Variants in CTNNBIP1 observed in about 807,000 individuals in gnomAD.
The protein encoded by CTNNBIP1 is catenin beta interacting protein 1.
Under a neutral mutation model 11.8 loss-of-function variants are expected in CTNNBIP1, and 7 were observed. The observed-to-expected ratio is 0.60, with a 90% CI of 0.34 to 1.12. The LOEUF is 1.12. Ranked by LOEUF, CTNNBIP1 falls within the 50% of genes most tolerant of loss-of-function variation. CTNNBIP1 has a pLI of 0.03. For missense variants in CTNNBIP1, 101 were observed against 113.4 expected, an observed-to-expected ratio of 0.89 and a Z score of 0.50; for synonymous variants, 58 against 43.9, an observed-to-expected ratio of 1.32 and a Z score of -1.26.
chr1:9,890,381 G>C (rs562328769), intron 1 of CTNNBIP1, among the ~76,000 whole-genome samples: 2 of 152,264 alleles, frequency 1.3e-5, no homozygotes, highest in African/African-American at 4.8e-5. Context: ...ACAGTGGGGG[G>C]ACAAGGACAG....
At chr1:9,904,943 T>G (rs1397644719) in intron 1 of CTNNBIP1, among the ~76,000 whole-genome samples, 1 of 152,170 alleles carries the variant, frequency 6.6e-6, no homozygotes, top group Non-Finnish European at 1.5e-5. Context: ...ATACCAGGAC[T>G]GTCATCAACC....
At chr1:9,860,517 G>C (rs1638603662) in intron 5 of CTNNBIP1, among the ~76,000 whole-genome samples, 1 of 150,794 alleles carries the variant, frequency 6.6e-6, no homozygotes, top group Admixed American at 6.6e-5. Flanking sequence ...AGCTGAGGCA[G>C]GAGAGTCGCT....
chr1:9,880,136 G>GC (rs1453649004), intron 2 of CTNNBIP1, among the ~76,000 whole-genome samples: 2 of 133,444 alleles, frequency 1.5e-5, no homozygotes, highest in East Asian at 2.3e-4. Context: ...CTTGCCCCCA[G>GC]CCCCCCAACA....
intron 1 of CTNNBIP1, among the ~76,000 whole-genome samples, chr1:9,900,685 C>G (rs932359427): frequency 6.6e-6 from 1 of 152,220 alleles, no homozygotes; most frequent in Non-Finnish European, 1.5e-5. Flanking sequence ...TCCCTTACAT[C>G]CCACCACAAA....
intron 1 of CTNNBIP1, among the ~76,000 whole-genome samples, chr1:9,895,467 G>A (rs1399939835): frequency 1.3e-5 from 2 of 152,026 alleles, no homozygotes; most frequent in Non-Finnish European, 2.9e-5. Context: ...CAAAGTGCTG[G>A]GATTACAGGC....
intron 5 of CTNNBIP1, among the ~76,000 whole-genome samples, chr1:9,870,306 C>T (rs902263377): frequency 6.6e-6 from 1 of 152,256 alleles, no homozygotes; most frequent in Non-Finnish European, 1.5e-5. Flanking sequence ...AAGGAAAGGA[C>T]TCTATGGAGA....
chr1:9,888,723 T>C (rs548413727), intron 1 of CTNNBIP1, among the ~76,000 whole-genome samples: 19 of 152,158 alleles, frequency 1.2e-4, no homozygotes, highest in Non-Finnish European at 2.6e-4. Flanking sequence ...CTTTCCTCTC[T>C]GGCTACAGGT....
chr1:9,896,696 C>T (rs1428431722), intron 1 of CTNNBIP1, among the ~76,000 whole-genome samples: 1 of 151,896 alleles, frequency 6.6e-6, no homozygotes, highest in Non-Finnish European at 1.5e-5. Flanking sequence ...TGGCCGGGTG[C>T]GGCGGCTCAC....
chr1:9,902,638 T>C (rs896487443), intron 1 of CTNNBIP1, among the ~76,000 whole-genome samples: 6 of 152,248 alleles, frequency 3.9e-5, no homozygotes, highest in African/African-American at 1.4e-4. Flanking sequence ...CTGGAGATCA[T>C]GTCCTGACTC....
At chr1:9,909,234 T>C (rs1324108113) in intron 1 of CTNNBIP1, among the ~76,000 whole-genome samples, 5 of 152,152 alleles carry the variant, frequency 3.3e-5, no homozygotes, top group Admixed American at 2.6e-4. Context: ...CATGTTCCTC[T>C]CAGTTCTGTG....
At chr1:9,902,290 G>A (rs957044241) in intron 1 of CTNNBIP1, among the ~76,000 whole-genome samples, 1 of 152,158 alleles carries the variant, frequency 6.6e-6, no homozygotes, top group Admixed American at 6.5e-5. Flanking sequence ...TCTGGCGCCT[G>A]TTACATAAGA....
chr1:9,876,201 T>C (rs1463010149), intron 3 of CTNNBIP1, among the ~76,000 whole-genome samples: 1 of 152,192 alleles, frequency 6.6e-6, no homozygotes, highest in East Asian at 1.9e-4. Context: ...GGTTCTCAAT[T>C]ATGGTCTCTT....
At chr1:9,865,360 G>C (rs1036109129) in intron 5 of CTNNBIP1, among the ~76,000 whole-genome samples, 5 of 152,160 alleles carry the variant, frequency 3.3e-5, no homozygotes, top group Admixed American at 2.0e-4. Flanking sequence ...CAGCACTTTG[G>C]GGGGCCGAAG....
intron 1 of CTNNBIP1, among the ~76,000 whole-genome samples, chr1:9,897,702 G>A (rs965882555): frequency 6.6e-6 from 1 of 151,904 alleles, no homozygotes; most frequent in African/African-American, 2.4e-5. Context: ...TAATCCCAGT[G>A]ACTCAGGTGG....
chr1:9,903,583 G>A (rs1239039876), intron 1 of CTNNBIP1, among the ~76,000 whole-genome samples: 1 of 152,196 alleles, frequency 6.6e-6, no homozygotes, highest in Non-Finnish European at 1.5e-5. Context: ...AGTAGTTGGT[G>A]CTCAGTTCCC....
chr1:9,900,379 C>T (rs1045378580), intron 1 of CTNNBIP1, among the ~76,000 whole-genome samples: 8 of 152,052 alleles, frequency 5.3e-5, no homozygotes, highest in Non-Finnish European at 7.4e-5. Context: ...CCAGCCTGGG[C>T]GAATGATGTT....
chr1:9,894,940 C>CTCTG (rs1491579658), intron 1 of CTNNBIP1, among the ~76,000 whole-genome samples: 4 of 139,504 alleles, frequency 2.9e-5, no homozygotes, highest in African/African-American at 1.1e-4. Flanking sequence ...CAGAGTCTCA[C>CTCTG]TCTGTCCCTC....
intron 5 of CTNNBIP1, among the ~76,000 whole-genome samples, chr1:9,862,683 C>G (rs1050595890): frequency 6.6e-6 from 1 of 152,214 alleles, no homozygotes. Context: ...TCTCTACACG[C>G]ACATCCGCAT....
rs1347772552 is a variant in CTNNBIP1, at chr1:9,903,697, A to G, written c.-144+6398T>C. ...ATCCCCATTTACAGTCAGGGAAAGT[A>G]AAGCAAAGGGAGGCTACTTAGCTTG... On this transcript the variant is annotated intron_variant, in intron 1 of 5. Transcript: ENST00000377263. 2.0e-5 allele frequency among the ~76,000 whole-genome samples: 3 copies of G among 152,236 alleles called. No homozygotes were observed. The East Asian group carries it at 5.8e-4, about 29-fold the overall frequency.
Sources: gnomAD v4.1 joint callset for allele counts (sites outside exome capture counted in the v4.1 genomes callset) on GRCh38, gnomAD v4.1.1 for gene constraint, MANE v1.5 for transcripts, NCBI Gene and HGNC (gene_info 2026-07-23, HGNC 2026-07-21) for gene names.